The following ETHE1 variants were observed in gnomAD, a reference collection of about 807,000 sequenced individuals.
ETHE1 encodes ETHE1 persulfide dioxygenase.
A neutral mutation model predicts 25.7 loss-of-function variants in ETHE1; 16 were observed. That is an observed-to-expected ratio of 0.62 (90% CI 0.42 to 0.95). ETHE1 has a LOEUF of 0.95. Among genes scored for constraint, ETHE1 ranks in the 40% least tolerant of loss-of-function variants. ETHE1 has a pLI of 0.00. For synonymous variants in ETHE1, 139 were observed against 135.9 expected, an observed-to-expected ratio of 1.02 and a Z score of -0.16; for missense variants, 300 against 333.6, an observed-to-expected ratio of 0.90 and a Z score of 0.79.
chr19:43,527,039 T>A (rs1255838092), intron 1 of ETHE1, 58 bp downstream of exon 1: 8 of 1,541,520 alleles, frequency 5.2e-6, no homozygotes, highest in Non-Finnish European at 7.0e-6. Flanking sequence ...ACCCCGGAGT[T>A]CCGTCCTTGC....
At chr19:43,520,581 G>A (rs1329837655) in intron 3 of ETHE1, among the ~76,000 whole-genome samples, 1 of 151,844 alleles carries the variant, frequency 6.6e-6, no homozygotes, top group Non-Finnish European at 1.5e-5. Flanking sequence ...CACACCTGTA[G>A]TTCCAGCTAT....
intron 1 of ETHE1, chr19:43,526,881 T>C: frequency 6.8e-7 from 1 of 1,472,952 alleles, no homozygotes; most frequent in South Asian, 1.4e-5. Flanking sequence ...CAGCACGTTC[T>C]TTCATAGAGG....
At chr19:43,512,613 A>C (rs907363456) in intron 3 of ETHE1, among the ~76,000 whole-genome samples, 1 of 152,082 alleles carries the variant, frequency 6.6e-6, no homozygotes, top group African/African-American at 2.4e-5. Context: ...TCAAGAGGTG[A>C]CTTGAGTGCT....
rs2146009701 is a variant in ETHE1 at position 43,522,624 on chromosome 19, G to A, written c.375+3577C>T. ...AGCCTCCTGAGTAGCTGGGAATACAGGCACACCCCACCACGCCCAGCTTAT... is the reference window on the plus strand; with the variant it reads ...AGCCTCCTGAGTAGCTGGGAATACAAGCACACCCCACCACGCCCAGCTTAT... On this transcript the variant is annotated intron_variant, in intron 3 of 6. Transcript: ENST00000292147. Among the ~76,000 whole-genome samples, 4 of 152,200 alleles carry A rather than the reference G, an allele frequency of 2.6e-5. No homozygotes were observed. In the Middle Eastern group the frequency reaches 0.014, roughly 518 times the overall value.
At chr19:43,518,996 C>CTTTTTT (rs1600005859) in intron 3 of ETHE1, among the ~76,000 whole-genome samples, 2 of 81,112 alleles carry the variant, frequency 2.5e-5, no homozygotes, top group South Asian at 4.6e-4. Context: ...GAAATTTGTG[C>CTTTTTT]TTGTTTTTTT....
intron 3 of ETHE1, among the ~76,000 whole-genome samples, chr19:43,522,346 G>A (rs1486749662): frequency 1.3e-5 from 2 of 152,096 alleles, no homozygotes; most frequent in Non-Finnish European, 2.9e-5. Context: ...GATCACTTGA[G>A]CCCAGGAGTT....
chr19:43,525,960 C>G (rs1440877461), intron 3 of ETHE1: 13 of 594,696 alleles, frequency 2.2e-5, no homozygotes, highest in Non-Finnish European at 3.9e-5. Flanking sequence ...GAAGGAAACT[C>G]CTTAAATGCT....
At chr19:43,519,670 C>T (rs1209464771) in intron 3 of ETHE1, among the ~76,000 whole-genome samples, 1 of 152,120 alleles carries the variant, frequency 6.6e-6, no homozygotes, top group African/African-American at 2.4e-5. Context: ...GCCTACACTG[C>T]CCCCTGGTGG....
At chr19:43,525,235 T>C (rs1218649931) in intron 3 of ETHE1, among the ~76,000 whole-genome samples, 1 of 152,162 alleles carries the variant, frequency 6.6e-6, no homozygotes, top group Non-Finnish European at 1.5e-5. Flanking sequence ...GCACCTATTA[T>C]GTACAATGTA....
chr19:43,519,923 A>G (rs1972106444), intron 3 of ETHE1, among the ~76,000 whole-genome samples: 1 of 152,110 alleles, frequency 6.6e-6, no homozygotes, highest in South Asian at 2.1e-4. Context: ...AATAAAATAG[A>G]ACAATTACAG....
chr19:43,509,201 G>A (rs561627991), intron 4 of ETHE1, among the ~76,000 whole-genome samples: 4 of 152,144 alleles, frequency 2.6e-5, no homozygotes, highest in Non-Finnish European at 5.9e-5. Context: ...TAGAAGGTAA[G>A]AAACTGAAGA....
chr19:43,507,269 T>C (rs1383484859), intron 6 of ETHE1, among the ~76,000 whole-genome samples: 4 of 73,398 alleles, frequency 5.4e-5, no homozygotes, highest in Middle Eastern at 8.8e-3. Flanking sequence ...GACTCAGGAG[T>C]TCAGACCCCC....
chr19:43,507,723 C>A, intron 6 of ETHE1: 1 of 500,402 alleles, frequency 2.0e-6, no homozygotes. Flanking sequence ...GCCCCTACTG[C>A]CTCAGACCCA....
intron 3 of ETHE1, among the ~76,000 whole-genome samples, chr19:43,522,007 C>T (rs970111093): frequency 6.6e-5 from 10 of 152,216 alleles, no homozygotes; most frequent in African/African-American, 1.7e-4. Context: ...GGAGCCACCA[C>T]AACCTGCCCA....
chr19:43,510,883 T>C (rs891818130), intron 4 of ETHE1, among the ~76,000 whole-genome samples: 1 of 152,066 alleles, frequency 6.6e-6, no homozygotes, highest in Admixed American at 6.6e-5. Context: ...CAAAGCTTCA[T>C]CTGTAGTTAC....
intron 1 of ETHE1, 195 bp from the exon 2 acceptor site, chr19:43,526,854 C>T (rs2146020614): frequency 6.8e-7 from 1 of 1,476,016 alleles, no homozygotes; most frequent in Admixed American, 2.3e-5. Context: ...TTCCTAACAT[C>T]CCAAAATCAG....
In ETHE1 at chr19:43,507,932, C is replaced by T. The variant is rs1224202397; in HGVS notation, c.712+12G>A. The T allele has an allele frequency of 6.2e-7, 1 of 1,613,280 alleles. No homozygotes were observed. ...CTCTCAGACCCAGAAGTCCAGGTCCCCAGCTGCTCACCTATCTGCTGAGGT... is the reference window on the plus strand; with the variant it reads ...CTCTCAGACCCAGAAGTCCAGGTCCTCAGCTGCTCACCTATCTGCTGAGGT... On this transcript the variant is annotated intron_variant, in intron 6 of 6. Transcript: ENST00000292147.
At chr19:43,515,572 C>CTGTTTTGTTT (rs201252431) in intron 3 of ETHE1, among the ~76,000 whole-genome samples, 3 of 151,738 alleles carry the variant, frequency 2.0e-5, no homozygotes, top group Non-Finnish European at 4.4e-5. Flanking sequence ...CCTATAAATA[C>CTGTTTTGTTT]TGTTTTGTTT....
chr19:43,511,288 C>T (rs746248119), intron 4 of ETHE1, 149 bp downstream of exon 4: 381 of 1,245,362 alleles, frequency 3.1e-4, no homozygotes, highest in Admixed American at 1.3e-3. Context: ...GGTTGGGGAC[C>T]ACTGTTCTAG....
Sources: allele counts gnomAD v4.1 joint callset (sites outside exome capture counted in the v4.1 genomes callset), GRCh38; gene constraint gnomAD v4.1.1; transcripts MANE v1.5; gene names NCBI Gene and HGNC (gene_info 2026-07-23, HGNC 2026-07-21).